Variants in TBXAS1 observed in about 807,000 individuals in gnomAD.
TBXAS1 encodes thromboxane-A synthase.
A neutral mutation model predicts 60.7 loss-of-function variants in TBXAS1; 48 were observed. That is an observed-to-expected ratio of 0.79 (90% confidence interval 0.63 to 1.01). The LOEUF is 1.01. Ranked by LOEUF, TBXAS1 falls within the 50% of genes least tolerant of loss-of-function variation. TBXAS1 has a pLI of 0.00. For missense variants in TBXAS1, 685 were observed against 686.3 expected (o/e 1.00, Z 0.02); for synonymous variants, 287 against 269.7 (o/e 1.06, Z -0.63).
chr7:139,835,126 G>A (rs1039801092), intron 1 of TBXAS1, among the ~76,000 whole-genome samples: 3 of 150,942 alleles, frequency 2.0e-5, no homozygotes, highest in Non-Finnish European at 4.4e-5. Flanking sequence ...GAGTGCAGTG[G>A]CGCGATCTCG....
In TBXAS1 at chr7:139,880,621, A is replaced by G; in HGVS notation, c.236+4984A>G. On this transcript the variant is annotated intron_variant, in intron 3 of 12. Coordinates refer to ENST00000448866, the MANE Select transcript of TBXAS1 (RefSeq NM_001061.7). ...TTACCTTGCTTTGTTCATTAATGGT[A>G]TTTGGGAAATTGTCCCATTTTGCTT... Among the ~76,000 whole-genome samples, 2 of 152,176 alleles carry G rather than the reference A, an allele frequency of 1.3e-5. 1 individual carries two copies. The highest frequency in any genetic ancestry group is 2.9e-5 in the Non-Finnish European group (2 of 68,012).
intron 1 of TBXAS1, among the ~76,000 whole-genome samples, chr7:139,869,402 T>A (rs183146527): frequency 1.3e-5 from 2 of 152,108 alleles, no homozygotes; most frequent in African/African-American, 4.8e-5. Flanking sequence ...TTATTTATTT[T>A]TTTGAGACAG....
chr7:139,913,336 T>C, intron 4 of TBXAS1: 1 of 568,692 alleles, frequency 1.8e-6, no homozygotes. Context: ...CAGCAAGGAG[T>C]GCTGATTAAA....
At chr7:139,994,049 G>A (rs1813124444) in intron 9 of TBXAS1, among the ~76,000 whole-genome samples, 1 of 151,388 alleles carries the variant, frequency 6.6e-6, no homozygotes, top group Non-Finnish European at 1.5e-5. Flanking sequence ...ATGCCCAGCT[G>A]ATTTTTTTTG....
intron 3 of TBXAS1, among the ~76,000 whole-genome samples, chr7:139,880,919 C>T (rs1802644009): frequency 6.6e-6 from 1 of 152,056 alleles, no homozygotes; most frequent in South Asian, 2.1e-4. Flanking sequence ...GTTTAGATTC[C>T]CATAAATATG....
chr7:139,941,234 T>G (rs974895041), intron 5 of TBXAS1, among the ~76,000 whole-genome samples: 3 of 152,254 alleles, frequency 2.0e-5, no homozygotes, highest in Non-Finnish European at 4.4e-5. Context: ...CCCTTGGAAT[T>G]CTGAGGCTTT....
intron 9 of TBXAS1, among the ~76,000 whole-genome samples, chr7:139,971,615 G>C (rs1325546477): frequency 6.6e-6 from 1 of 151,978 alleles, no homozygotes; most frequent in Non-Finnish European, 1.5e-5. Context: ...CCCCTACTCA[G>C]GACTCCAGAC....
chr7:139,913,287 A>C (rs1267587504), intron 4 of TBXAS1: 6 of 614,424 alleles, frequency 9.8e-6, no homozygotes, highest in Non-Finnish European at 1.8e-5. Flanking sequence ...ACTGATTCTG[A>C]TTATTAAATG....
intron 2 of TBXAS1, among the ~76,000 whole-genome samples, chr7:139,873,232 G>T (rs551387504): frequency 8.5e-5 from 13 of 152,166 alleles, no homozygotes; most frequent in Non-Finnish European, 1.6e-4. Flanking sequence ...ACTGACTAGA[G>T]GCCAAATGCT....
intron 4 of TBXAS1, among the ~76,000 whole-genome samples, chr7:139,822,220 CCTCAGCTAATGGTCCTGTTGTCTG>C (rs1035453827): frequency 2.6e-5 from 4 of 152,140 alleles, no homozygotes; most frequent in African/African-American, 9.7e-5. Flanking sequence ...AAATAAGGTT[CCTCAGCTAATGGTCCTGTTGTCTG>C]CTTGCTCTCT....
chr7:139,809,205 T>TAGG, intron 4 of TBXAS1, among the ~76,000 whole-genome samples: 1 of 124,950 alleles, frequency 8.0e-6, no homozygotes, highest in African/African-American at 3.5e-5. Context: ...AGATGATAGA[T>TAGG]AGATAGATAG....
intron 1 of TBXAS1, among the ~76,000 whole-genome samples, chr7:139,832,830 T>C (rs1442935330): frequency 6.6e-6 from 1 of 152,208 alleles, no homozygotes; most frequent in Non-Finnish European, 1.5e-5. Flanking sequence ...AAATCAATTA[T>C]CAGCCAAGAA....
chr7:139,888,048 G>A (rs1256744110), intron 3 of TBXAS1, among the ~76,000 whole-genome samples: 1 of 152,164 alleles, frequency 6.6e-6, no homozygotes, highest in East Asian at 1.9e-4. Context: ...TAATTGGAAT[G>A]TATGACCCCA....
At chr7:139,805,292 A>C (rs1797820207) in intron 4 of TBXAS1, among the ~76,000 whole-genome samples, 1 of 152,270 alleles carries the variant, frequency 6.6e-6, no homozygotes, top group Non-Finnish European at 1.5e-5. Flanking sequence ...CAGTTAAGAA[A>C]GTTATCCAAG....
Position 139,999,681 on chromosome 7 carries a change from G to A in TBXAS1, c.1135-7410G>A, listed in dbSNP as rs553626235. Among the ~76,000 whole-genome samples the A allele has an allele frequency of 1.3e-4, 20 of 152,332 alleles. No individual in the cohort carries two copies. Among genetic ancestry groups the A allele is most frequent in the South Asian group, 6.2e-4 (3 of 4,824 alleles). The stretch of plus-strand genomic sequence containing the variant: ...GGAAATCTTTATTCTTCATATGGCT[G>A]TATTGCCCCAAGCTGTCCTCGTGCT... On this transcript the variant is annotated intron_variant, in intron 9 of 12. Coordinates refer to ENST00000448866, the MANE Select transcript of TBXAS1 (RefSeq NM_001061.7). This position sits in a 1 kb window ranked among gnomAD's most constrained non-coding sequence, Gnocchi z 4.3.
chr7:140,005,180 G>A (rs986604057), intron 9 of TBXAS1, among the ~76,000 whole-genome samples: 1 of 152,254 alleles, frequency 6.6e-6, no homozygotes, highest in Non-Finnish European at 1.5e-5. Context: ...TGTAACTCCA[G>A]CACTTTGGAA....
chr7:139,860,688 C>A (rs536026518), intron 1 of TBXAS1, among the ~76,000 whole-genome samples: 1 of 152,110 alleles, frequency 6.6e-6, no homozygotes, highest in Non-Finnish European at 1.5e-5. Context: ...AAGGGGACAC[C>A]CCCTGCCATC....
Position 139,999,660 on chromosome 7 carries a change from A to G in TBXAS1, c.1135-7431A>G, listed in dbSNP as rs1205679828. ...CCCTGGAGAATCAGAGTGAATGGAA[A>G]TCTTTATTCTTCATATGGCTGTATT... On this transcript the variant is annotated intron_variant, in intron 9 of 12. Transcript: ENST00000448866. The surrounding 1 kb of genome is among the most constrained non-coding windows in gnomAD (Gnocchi z 4.3). 6.6e-6 allele frequency among the ~76,000 whole-genome samples: 1 copy of G among 152,228 alleles called. No individual in the cohort carries two copies. The highest frequency in any genetic ancestry group is 6.5e-5 in the Admixed American group (1 of 15,278).
chr7:139,950,097 A>G (rs1809079548), intron 5 of TBXAS1, among the ~76,000 whole-genome samples: 1 of 127,194 alleles, frequency 7.9e-6, no homozygotes, highest in South Asian at 2.4e-4. Flanking sequence ...CCAGTGATGC[A>G]TTCTTGGCTC....
Sources: gnomAD v4.1 joint callset for allele counts (sites outside exome capture counted in the v4.1 genomes callset) on GRCh38, gnomAD v4.1.1 for gene constraint, Gnocchi (gnomAD v3.1) non-coding constraint, MANE v1.5 for transcripts, NCBI Gene and HGNC (gene_info 2026-07-23, HGNC 2026-07-21) for gene names.